PRSS38: variants seen among roughly 807,000 people sequenced by gnomAD.
PRSS38 encodes the protein marapsin 2.
A neutral mutation model predicts 26.8 loss-of-function variants in PRSS38; 22 were observed. The observed-to-expected ratio is 0.82, with a 90% CI of 0.59 to 1.17. PRSS38 has a LOEUF of 1.17. Ranked by LOEUF, PRSS38 falls within the 50% of genes most tolerant of loss-of-function variation. The pLI is 0.00. For missense variants in PRSS38, 427 were observed against 422.7 expected, an observed-to-expected ratio of 1.01 and a Z score of -0.09; for synonymous variants, 175 against 172.1, an observed-to-expected ratio of 1.02 and a Z score of -0.13.
chr1:227,828,606 A>C (rs1180347896), intron 3 of PRSS38, among the ~76,000 whole-genome samples: 2 of 152,150 alleles, frequency 1.3e-5, no homozygotes, highest in African/African-American at 4.8e-5. Flanking sequence ...AGTTGAGTCA[A>C]CTCAGCTGTT....
intron 3 of PRSS38, among the ~76,000 whole-genome samples, chr1:227,829,924 T>C (rs1665127944): frequency 6.6e-6 from 1 of 152,202 alleles, no homozygotes; most frequent in African/African-American, 2.4e-5. Flanking sequence ...TCAAGAATGA[T>C]GTGAGCTGTG....
intron 3 of PRSS38, among the ~76,000 whole-genome samples, chr1:227,837,425 T>G (rs1665253625): frequency 6.6e-6 from 1 of 152,182 alleles, no homozygotes; most frequent in Non-Finnish European, 1.5e-5. Flanking sequence ...TATCAGCTGC[T>G]CATCCTTCTT....
intron 3 of PRSS38, among the ~76,000 whole-genome samples, chr1:227,825,925 A>G (rs1233650088): frequency 6.6e-6 from 1 of 152,118 alleles, no homozygotes. Context: ...GAGAATGTCA[A>G]TGGTAGTTTA....
At chr1:227,833,523 A>C (rs893628517) in intron 3 of PRSS38, among the ~76,000 whole-genome samples, 20 of 48,410 alleles carry the variant, frequency 4.1e-4, no homozygotes, top group African/African-American at 1.4e-3. Context: ...GCGAGACTCC[A>C]TCTCAAAAAA....
In PRSS38 at chr1:227,823,880, G is replaced by A. The variant is rs866294018; in HGVS notation, c.583+6400G>A. On this transcript the variant is annotated intron_variant, in intron 3 of 4. Coordinates refer to ENST00000366757, the Ensembl canonical transcript of PRSS38. ...AGCTATGCAAAACAGACTAATAGCCGTATTTTTGTTATTGCAAATAGTGCT... is the reference window on the plus strand; with the variant it reads ...AGCTATGCAAAACAGACTAATAGCCATATTTTTGTTATTGCAAATAGTGCT... 1.2e-4 allele frequency among the ~76,000 whole-genome samples: 19 copies of A among 152,192 alleles called. 1 individual carries two copies. Among genetic ancestry groups the A allele is most frequent in the Admixed American group, 2.6e-4 (4 of 15,272 alleles).
intron 3 of PRSS38, among the ~76,000 whole-genome samples, chr1:227,820,089 C>CAAAAAAAA (rs61564441): frequency 9.3e-5 from 4 of 42,806 alleles, no homozygotes; most frequent in Admixed American, 3.2e-4. Context: ...AACTCCATCT[C>CAAAAAAAA]AAAAAAAAAA....
At chr1:227,834,042 C>T (rs371111873) in intron 3 of PRSS38, among the ~76,000 whole-genome samples, 1 of 152,136 alleles carries the variant, frequency 6.6e-6, no homozygotes, top group East Asian at 1.9e-4. Context: ...GGGACACAGA[C>T]ATGGAGTGTG....
Position 227,816,207 on chromosome 1 carries a change from T to C in PRSS38, c.266T>C (p.Ile89Thr), listed in dbSNP as rs761686830. 1.2e-6 allele frequency: 2 copies of C among 1,613,588 alleles called. No individual in the cohort carries two copies. The highest frequency in any genetic ancestry group is 2.7e-5 in the African/African-American group (2 of 74,918). Residue 89 changes from isoleucine (I) to threonine (T), a missense_variant, in exon 2 of 5, where the codon ATC becomes ACC. Physicochemically the swap from Ile to Thr is moderately conservative, Grantham distance 89 (BLOSUM62 -1). Transcript: ENST00000366757. The surrounding 1 kb of genome is among the most constrained non-coding windows in gnomAD (Gnocchi z 5.1). Reference sequence around the variant, plus strand: ...GGCCTCCACGTCTGCGGCGGCTCCATCCTCAATGAGTACTGGGTGCTGTCA... The same window carrying C: ...GGCCTCCACGTCTGCGGCGGCTCCACCCTCAATGAGTACTGGGTGCTGTCA...
intron 1 of PRSS38, 23 bp downstream of exon 1, chr1:227,815,887 A>C (rs748011976): frequency 8.2e-6 from 13 of 1,584,090 alleles, no homozygotes; most frequent in East Asian, 2.3e-5. Context: ...CCAGGGGCGG[A>C]TGGGCGGCTG....
exon 5 of PRSS38, chr1:227,846,106 A>T: frequency 6.2e-7 from 1 of 1,614,168 alleles, no homozygotes; most frequent in Non-Finnish European, 8.5e-7. Context: ...ATAACATAGA[A>T]ATCACGCCCA....
At chr1:227,828,669 A>G (rs1582114) in intron 3 of PRSS38, among the ~76,000 whole-genome samples, 64,868 of 152,018 alleles carry the variant, frequency 0.43, 15,037 homozygotes, top group African/African-American at 0.63. Flanking sequence ...AAGGGTCCTC[A>G]ACAAAGGAGC....
At chr1:227,823,463 A>T (rs1243999839) in intron 3 of PRSS38, among the ~76,000 whole-genome samples, 1 of 151,842 alleles carries the variant, frequency 6.6e-6, no homozygotes, top group Non-Finnish European at 1.5e-5. Context: ...GGTTGGTTCT[A>T]TATTGACATA....
exon 5 of PRSS38, chr1:227,846,183 T>C: frequency 6.2e-7 from 1 of 1,611,958 alleles, no homozygotes; most frequent in Non-Finnish European, 8.5e-7. Context: ...CTAATGGCCA[T>C]GCTGGCTGGC....
chr1:227,819,710 G>T (rs1311375716), intron 3 of PRSS38, among the ~76,000 whole-genome samples: 1 of 152,056 alleles, frequency 6.6e-6, no homozygotes, highest in Non-Finnish European at 1.5e-5. Flanking sequence ...TATTTCCAAG[G>T]TATGTTATTA....
chr1:227,822,756 T>C (rs985465690), intron 3 of PRSS38, among the ~76,000 whole-genome samples: 2 of 152,238 alleles, frequency 1.3e-5, no homozygotes, highest in African/African-American at 4.8e-5. Flanking sequence ...CAAGGCACTT[T>C]TTCAATACTT....
intron 4 of PRSS38, 117 bp from the exon 5 acceptor site, chr1:227,845,837 G>A (rs911806975): frequency 4.9e-6 from 7 of 1,414,328 alleles, no homozygotes; most frequent in African/African-American, 4.2e-5. Context: ...TGAGAGGGGG[G>A]CACTGGCCCC....
At chr1:227,833,188 T>G (rs1176619836) in intron 3 of PRSS38, among the ~76,000 whole-genome samples, 2 of 152,058 alleles carry the variant, frequency 1.3e-5, no homozygotes, top group Non-Finnish European at 2.9e-5. Flanking sequence ...ATCTTCAAAT[T>G]TATATGTAAT....
At chr1:227,823,287 AT>A (rs1665028006) in intron 3 of PRSS38, among the ~76,000 whole-genome samples, 3 of 151,914 alleles carry the variant, frequency 2.0e-5, no homozygotes, top group Admixed American at 1.3e-4. Context: ...GCTGAGTAGT[AT>A]TCCATGGTGT....
Position 227,816,361 on chromosome 1 carries a change from C to G in PRSS38, c.311+109C>G, listed in dbSNP as rs1323946122. ...CCTCCCCCATCACCATTGTCGACTC[C>G]CTTCACCACTGTCGACCCGCGCAAG... On this transcript the variant is annotated intron_variant, in intron 2 of 4. Transcript: ENST00000366757. The surrounding 1 kb of genome is among the most constrained non-coding windows in gnomAD (Gnocchi z 5.1). The G allele has an allele frequency of 8.2e-7, 1 of 1,219,564 alleles. No individual in the cohort carries two copies. The highest frequency in any genetic ancestry group is 2.4e-5 in the East Asian group (1 of 42,030). 75.5% of individuals were successfully genotyped at this position (1,219,564 alleles called of 1,614,324 possible).
Sources: allele counts gnomAD v4.1 joint callset (sites outside exome capture counted in the v4.1 genomes callset), GRCh38; gene constraint gnomAD v4.1.1; non-coding constraint Gnocchi (gnomAD v3.1); transcripts MANE v1.5; gene names NCBI Gene and HGNC (gene_info 2026-07-23, HGNC 2026-07-21).